RIMS2: variants seen among roughly 807,000 people sequenced by gnomAD.
RIMS2 encodes regulating synaptic membrane exocytosis 2.
A neutral mutation model predicts 174.4 loss-of-function variants in RIMS2; 59 were observed. That is an observed-to-expected ratio of 0.34 (90% confidence interval 0.27 to 0.42). RIMS2 has a LOEUF of 0.42. Among genes scored for constraint, RIMS2 ranks in the 10% least tolerant of loss-of-function variants. RIMS2 has a pLI of 1.00. For synonymous variants in RIMS2, 606 were observed against 572.5 expected (o/e 1.06, Z -0.84); for missense variants, 1,620 against 1,666.3 (o/e 0.97, Z 0.48).
chr8:103,876,864 T>TTATATATATATATATATATATATA (rs199997824), intron 3 of RIMS2, among the ~76,000 whole-genome samples: 1 of 68,108 alleles, frequency 1.5e-5, no homozygotes, highest in Non-Finnish European at 3.1e-5. Flanking sequence ...ACACACTATT[T>TTATATATATATATATATATATATA]TATATATATA....
chr8:103,700,138 T>G (rs2097151271), intron 2 of RIMS2, among the ~76,000 whole-genome samples: 1 of 152,216 alleles, frequency 6.6e-6, no homozygotes, highest in Non-Finnish European at 1.5e-5. Flanking sequence ...ATTTCCTGCC[T>G]ATTCTATCAT....
intron 19 of RIMS2, among the ~76,000 whole-genome samples, chr8:104,134,809 C>G (rs547387094): frequency 1.3e-5 from 2 of 152,308 alleles, no homozygotes; most frequent in East Asian, 1.9e-4. Flanking sequence ...TCCCCATAAA[C>G]TTTTCATAAA....
chr8:103,525,435 T>C (rs551517908), intron 1 of RIMS2, among the ~76,000 whole-genome samples: 1 of 152,320 alleles, frequency 6.6e-6, no homozygotes, highest in South Asian at 2.1e-4. Flanking sequence ...CTGTTCAATG[T>C]GCTACCCACT....
At chr8:103,837,600 G>C (rs538995987) in intron 3 of RIMS2, among the ~76,000 whole-genome samples, 1 of 152,322 alleles carries the variant, frequency 6.6e-6, no homozygotes, top group Admixed American at 6.5e-5. Flanking sequence ...CTATGAGTGA[G>C]AACATGCGGT....
At chr8:103,544,111 C>G (rs1424130640) in intron 1 of RIMS2, among the ~76,000 whole-genome samples, 1 of 152,156 alleles carries the variant, frequency 6.6e-6, no homozygotes, top group Admixed American at 6.5e-5. Context: ...TCAAACAACT[C>G]AATAGCAAGA....
intron 3 of RIMS2, among the ~76,000 whole-genome samples, chr8:103,850,322 A>G (rs1350196508): frequency 6.6e-6 from 1 of 152,062 alleles, no homozygotes; most frequent in Non-Finnish European, 1.5e-5. Flanking sequence ...TTCTTATGCA[A>G]TGAGTATTTA....
chr8:104,136,192 C>G (rs1015639597), intron 19 of RIMS2, among the ~76,000 whole-genome samples: 7 of 152,072 alleles, frequency 4.6e-5, no homozygotes, highest in Non-Finnish European at 1.0e-4. Context: ...TTTGATGACC[C>G]ATTTATTGTC....
At chr8:103,515,211 T>C (rs1208943002) in intron 1 of RIMS2, among the ~76,000 whole-genome samples, 1 of 152,184 alleles carries the variant, frequency 6.6e-6, no homozygotes, top group Non-Finnish European at 1.5e-5. Context: ...GCTCTGCTCA[T>C]CTTAATTTTT....
intron 19 of RIMS2, among the ~76,000 whole-genome samples, chr8:104,087,665 A>C (rs1020287662): frequency 6.6e-6 from 1 of 152,124 alleles, no homozygotes; most frequent in Non-Finnish European, 1.5e-5. Context: ...TGGGAGAACT[A>C]AATAAAATAA....
chr8:103,618,480 T>A, intron 1 of RIMS2, among the ~76,000 whole-genome samples: 1 of 152,042 alleles, frequency 6.6e-6, no homozygotes, highest in East Asian at 1.9e-4. Flanking sequence ...AGGGACAGGA[T>A]TCAAAGAAGT....
chr8:103,557,948 C>A (rs2090808805), intron 1 of RIMS2, among the ~76,000 whole-genome samples: 1 of 152,150 alleles, frequency 6.6e-6, no homozygotes, highest in Non-Finnish European at 1.5e-5. Flanking sequence ...TAAATTCTCC[C>A]AACTATGGGT....
chr8:103,936,734 T>A lies in RIMS2; in HGVS notation c.2547+12T>A, dbSNP rs1292556628. On this transcript the variant is annotated intron_variant, in intron 13 of 23. Coordinates refer to ENST00000504942, the Ensembl canonical transcript of RIMS2. ...AATTCTTAGGCGAGGTATCTGGAGTTGTTTTAAAGTTTATGCTATTCATGT... is the reference window on the plus strand; with the variant it reads ...AATTCTTAGGCGAGGTATCTGGAGTAGTTTTAAAGTTTATGCTATTCATGT... The A allele has an allele frequency of 6.3e-7, 1 of 1,585,958 alleles. No individual in the cohort carries two copies. The highest frequency in any genetic ancestry group is 1.2e-5 in the South Asian group (1 of 86,560).
Position 104,103,681 on chromosome 8 carries a change from A to AT in RIMS2, c.3334+89076dup, listed in dbSNP as rs36124523. Among the ~76,000 whole-genome samples, 259 of 150,286 alleles carry AT rather than the reference A, an allele frequency of 1.7e-3. 1 individual carries two copies. The highest frequency in any genetic ancestry group is 5.4e-3 in the African/African-American group (223 of 41,048). On this transcript the variant is annotated intron_variant, in intron 19 of 23. Transcript: ENST00000504942. ...CAGACCTTATGCTCAAGAAAAGGTG[A>AT]TTTTTTTTTTCCTTTCTGTTACTGT...
chr8:103,826,547 G>A (rs1454036668), intron 3 of RIMS2, among the ~76,000 whole-genome samples: 3 of 151,740 alleles, frequency 2.0e-5, no homozygotes, highest in Non-Finnish European at 4.4e-5. Flanking sequence ...AGTTGTATAA[G>A]CATGGTTCTA....
intron 3 of RIMS2, among the ~76,000 whole-genome samples, chr8:103,821,624 C>T (rs949823936): frequency 1.3e-5 from 2 of 151,720 alleles, no homozygotes; most frequent in South Asian, 2.1e-4. Context: ...GAATTTTATG[C>T]TTCCACATAT....
At chr8:103,502,012 T>C (rs1372305458) in intron 1 of RIMS2, among the ~76,000 whole-genome samples, 3 of 152,240 alleles carry the variant, frequency 2.0e-5, no homozygotes, top group Non-Finnish European at 4.4e-5. Context: ...GAATGTTTTA[T>C]GGTTATTTGA....
chr8:103,790,834 A>G (rs2098490549), intron 3 of RIMS2, among the ~76,000 whole-genome samples: 1 of 152,234 alleles, frequency 6.6e-6, no homozygotes, highest in Admixed American at 6.5e-5. Context: ...TTATGTTTAC[A>G]TTGTAAAAAA....
rs575091043 is a variant in RIMS2 at position 104,086,821 on chromosome 8, A to C, written c.3334+72206A>C. On this transcript the variant is annotated intron_variant, in intron 19 of 23. Transcript: ENST00000504942. ...CAAGGTGAACTTTAAATGAGATCAC[A>C]GGTCTTGATACACAGTAAATATTTA... Among the ~76,000 whole-genome samples the C allele has an allele frequency of 9.2e-5, 14 of 152,226 alleles. No individual in the cohort carries two copies. The South Asian group carries it at 1.9e-3, about 20-fold the overall frequency.
chr8:103,701,618 A>G (rs1051393032), intron 2 of RIMS2, among the ~76,000 whole-genome samples: 3 of 151,862 alleles, frequency 2.0e-5, no homozygotes, highest in African/African-American at 4.8e-5. Context: ...TTACCATTCT[A>G]TTTACTACCT....
Sources: allele counts gnomAD v4.1 joint callset (sites outside exome capture counted in the v4.1 genomes callset), GRCh38; gene constraint gnomAD v4.1.1; transcripts MANE v1.5; gene names NCBI Gene and HGNC (gene_info 2026-07-23, HGNC 2026-07-21).